The following NLRP3 variants were observed in gnomAD, a reference collection of about 807,000 sequenced individuals.
The protein encoded by NLRP3 is NLR family pyrin domain containing 3, also known as NACHT, LRR and PYD domains-containing protein 3.
A neutral mutation model predicts 91.3 loss-of-function variants in NLRP3; 48 were observed. The observed-to-expected ratio is 0.53, with a 90% CI of 0.42 to 0.67. The LOEUF (loss-of-function observed/expected upper bound fraction) is 0.67, where lower values mean the gene tolerates loss of function less well. Ranked by LOEUF, NLRP3 falls within the 30% of genes least tolerant of loss-of-function variation. The pLI, the probability that NLRP3 is intolerant of heterozygous loss-of-function variation, is 0.00. For missense variants in NLRP3, 982 were observed against 1,276.9 expected, an observed-to-expected ratio of 0.77 and a Z score of 3.52; for synonymous variants, 561 against 507.9, an observed-to-expected ratio of 1.10 and a Z score of -1.41.
rs202076321 is a variant in NLRP3 at position 247,418,727 on chromosome 1, G to A, written c.-74G>A. On this transcript the variant is annotated 5_prime_UTR_variant, in exon 2 of 10. It adds an upstream start codon to the 5' untranslated region. Coordinates refer to ENST00000336119, the MANE Select transcript of NLRP3 (RefSeq NM_001243133.2). The stretch of plus-strand genomic sequence containing the variant: ...TGGAGACTTTAAAAAAGACTCATCC[G>A]TGTGCCGTGTTCACTGCCTGGTATC... 1.5e-5 allele frequency: 24 copies of A among 1,562,502 alleles called. No individual in the cohort carries two copies. Among genetic ancestry groups the A allele is most frequent in the Middle Eastern group, 2.3e-4 (1 of 4,438 alleles).
Position 247,429,733 on chromosome 1 carries a change from G to A in NLRP3, c.2299G>A (p.Gly767Ser), listed in dbSNP as rs866534904. The A allele has an allele frequency of 3.1e-6, 5 of 1,614,044 alleles. No homozygotes were observed. In the Middle Eastern group the frequency reaches 6.7e-4, roughly 217 times the overall value. Residue 767 changes from glycine to serine, a missense_variant, in exon 5 of 10, where the codon GGC (glycine) becomes AGC (serine). Gly to Ser is a moderately conservative substitution (Grantham distance 56). Around this residue, in one of 5 missense-constraint regions of NLRP3, gnomAD observed 373 missense variants for 431.5 expected, o/e 0.86. Coordinates refer to ENST00000336119, the MANE Select transcript of NLRP3 (RefSeq NM_001243133.2). ...RVLCETLQHP[G>S]CNIRRLWLGR... ...GTTGTGTGAAACGCTCCAGCATCCT[G>A]GCTGTAACATTCGGAGATTGTGGTG...
intron 7 of NLRP3, among the ~76,000 whole-genome samples, chr1:247,438,055 G>A (rs12143966): frequency 0.34 from 51,253 of 152,088 alleles, 9,808 homozygotes; most frequent in East Asian, 0.52. Context: ...ACCTAACCTG[G>A]TAGAGCTGCT....
chr1:247,420,453 C>T (rs1012098774), intron 2 of NLRP3, among the ~76,000 whole-genome samples: 1 of 151,832 alleles, frequency 6.6e-6, no homozygotes, highest in African/African-American at 2.4e-5. Context: ...GTGGCTCATG[C>T]CTGTAATTCC....
At position 247,434,347 on chromosome 1, in the gene NLRP3, G is replaced by A. The variant is rs566547368; in HGVS notation, c.2492+74G>A. 5.6e-5 allele frequency: 84 copies of A among 1,502,962 alleles called. No homozygotes were observed. In the African/African-American group the frequency reaches 6.1e-4, roughly 11 times the overall value. The allele number at this position is 1,502,962 out of a possible 1,614,324, so 93.1% of individuals were successfully genotyped here. A position where few individuals can be genotyped will look rare whatever the true frequency, so the allele number is the denominator to read the frequency against. On this transcript the variant is annotated intron_variant, in intron 6 of 9. Transcript: ENST00000336119. Reference sequence around the variant, plus strand: ...GCGCACTCTGGCTTCAGTGAGGCCCGGTGGGCTGGGGTTTGAGTGAGAATG... The same window carrying A: ...GCGCACTCTGGCTTCAGTGAGGCCCAGTGGGCTGGGGTTTGAGTGAGAATG...
chr1:247,432,750 G>C (rs936450078), intron 5 of NLRP3, among the ~76,000 whole-genome samples: 1 of 152,150 alleles, frequency 6.6e-6, no homozygotes, highest in African/African-American at 2.4e-5. Context: ...CAGGACCTAT[G>C]AACTATTGCC....
intron 2 of NLRP3, among the ~76,000 whole-genome samples, chr1:247,420,402 G>A (rs1662370686): frequency 6.6e-6 from 1 of 151,130 alleles, no homozygotes; most frequent in African/African-American, 2.5e-5. Context: ...ATGCACAGAA[G>A]TTAGTATGAT....
chr1:247,416,802 G>C (rs1007544607), intron 1 of NLRP3, among the ~76,000 whole-genome samples: 5 of 152,184 alleles, frequency 3.3e-5, no homozygotes, highest in African/African-American at 1.2e-4. Flanking sequence ...ATGGAGATGG[G>C]ACGGGAGAGA....
At chr1:247,417,000 C>T (rs927188283) in intron 1 of NLRP3, among the ~76,000 whole-genome samples, 1 of 152,194 alleles carries the variant, frequency 6.6e-6, no homozygotes. Flanking sequence ...CCAACTTGTT[C>T]ATCCATCCGG....
At chr1:247,421,586 C>T (rs889968323) in intron 2 of NLRP3, among the ~76,000 whole-genome samples, 6 of 152,224 alleles carry the variant, frequency 3.9e-5, no homozygotes, top group African/African-American at 1.4e-4. Flanking sequence ...TTCAAGAAAC[C>T]CATGAAACAG....
At chr1:247,433,348 G>A (rs373040280) in intron 5 of NLRP3, among the ~76,000 whole-genome samples, 20 of 152,346 alleles carry the variant, frequency 1.3e-4, no homozygotes, top group African/African-American at 4.6e-4. Flanking sequence ...CAGCACTGGC[G>A]AGGGCAGTGC....
At chr1:247,436,296 A>G (rs1017193905) in intron 7 of NLRP3, among the ~76,000 whole-genome samples, 156 bp downstream of exon 7, 5 of 152,220 alleles carry the variant, frequency 3.3e-5, no homozygotes, top group African/African-American at 1.2e-4. Context: ...GAGGCATATA[A>G]TGTATACTGC....
rs1233969205 is a variant in NLRP3, at chr1:247,424,650, G to A, written c.1201G>A (p.Glu401Lys). 2 of 1,614,256 alleles carry A rather than the reference G, an allele frequency of 1.2e-6. No homozygotes were observed. Among genetic ancestry groups the A allele is most frequent in the Admixed American group, 1.7e-5 (1 of 60,026 alleles). The change falls in exon 4 of 10, where the codon GAG (glutamate) becomes AAG (lysine). Residue 401 changes from glutamate (E) to lysine (K), a missense_variant. Coordinates refer to ENST00000336119, the MANE Select transcript of NLRP3 (RefSeq NM_001243133.2). The surrounding 1 kb of genome is among the most constrained non-coding windows in gnomAD (Gnocchi z 8.1). ...RAAFSLIQEN[E>K]VLFTMCFIPL... ...AGCCTTCAGTCTGATTCAGGAGAACGAGGTCCTCTTCACCATGTGCTTCAT... is the reference window on the plus strand; with the variant it reads ...AGCCTTCAGTCTGATTCAGGAGAACAAGGTCCTCTTCACCATGTGCTTCAT...
chr1:247,428,715 G>A (rs1397897026), intron 4 of NLRP3, among the ~76,000 whole-genome samples: 1 of 152,086 alleles, frequency 6.6e-6, no homozygotes, highest in Non-Finnish European at 1.5e-5. Context: ...AGCTACTCGG[G>A]AGGCTGAGGC....
At chr1:247,433,477 C>T (rs1301268908) in intron 5 of NLRP3, among the ~76,000 whole-genome samples, 1 of 152,200 alleles carries the variant, frequency 6.6e-6, no homozygotes, top group Non-Finnish European at 1.5e-5. Context: ...GGGGTGATCT[C>T]AATGCACCCG....
chr1:247,446,003 C>T (rs1664561651), intron 9 of NLRP3, among the ~76,000 whole-genome samples: 1 of 152,190 alleles, frequency 6.6e-6, no homozygotes, highest in African/African-American at 2.4e-5. Flanking sequence ...TCAAACGTCA[C>T]ATCTAGATCC....
intron 2 of NLRP3, among the ~76,000 whole-genome samples, chr1:247,420,594 G>C (rs886183189): frequency 6.6e-6 from 1 of 152,122 alleles, no homozygotes; most frequent in Non-Finnish European, 1.5e-5. Flanking sequence ...GTGGGCACCT[G>C]TAATCCCAGC....
At chr1:247,427,626 G>A (rs1662993125) in intron 4 of NLRP3, among the ~76,000 whole-genome samples, 1 of 151,888 alleles carries the variant, frequency 6.6e-6, no homozygotes, top group African/African-American at 2.4e-5. Flanking sequence ...TGAAGCCCCG[G>A]TAGGAGGCTC....
At chr1:247,438,346 T>C (rs904989925) in intron 7 of NLRP3, among the ~76,000 whole-genome samples, 1 of 150,686 alleles carries the variant, frequency 6.6e-6, no homozygotes, top group Non-Finnish European at 1.5e-5. Context: ...TCTCTTCCTG[T>C]GGTCTGGGGA....
chr1:247,431,628 G>C (rs1319446184), intron 5 of NLRP3, among the ~76,000 whole-genome samples: 2 of 152,190 alleles, frequency 1.3e-5, no homozygotes, highest in Non-Finnish European at 2.9e-5. Flanking sequence ...GTACCCATCA[G>C]TGGTCAAAAG....
Sources: allele counts gnomAD v4.1 joint callset (sites outside exome capture counted in the v4.1 genomes callset), GRCh38; gene constraint gnomAD v4.1.1; regional missense constraint gnomAD v4.1.1; non-coding constraint Gnocchi (gnomAD v3.1); transcripts MANE v1.5; gene names NCBI Gene and HGNC (gene_info 2026-07-23, HGNC 2026-07-21).